MYO3A: variants seen among roughly 807,000 people sequenced by gnomAD.
MYO3A encodes the protein myosin IIIA.
MYO3A carries 180 observed loss-of-function variants against 192.7 expected under a neutral mutation model. The observed-to-expected ratio is 0.93, with a 90% CI of 0.83 to 1.06. MYO3A has a LOEUF of 1.06. Among genes scored for constraint, MYO3A ranks in the 50% least tolerant of loss-of-function variants. MYO3A has a pLI of 0.00. For synonymous variants in MYO3A, 628 were observed against 645.3 expected (o/e 0.97, Z 0.41); for missense variants, 1,896 against 1,905.0 (o/e 1.00, Z 0.09).
At chr10:25,984,281 TA>T (rs1176023012) in intron 4 of MYO3A, among the ~76,000 whole-genome samples, 1 of 152,224 alleles carries the variant, frequency 6.6e-6, no homozygotes, top group Non-Finnish European at 1.5e-5. Context: ...GCATTGAATA[TA>T]AATGGCCTAA....
intron 10 of MYO3A, among the ~76,000 whole-genome samples, chr10:26,050,887 C>T (rs533205136): frequency 3.3e-4 from 50 of 152,310 alleles, no homozygotes; most frequent in African/African-American, 1.1e-3. Flanking sequence ...AATGAAGTTA[C>T]TCCTCTTAAC....
chr10:26,087,065 G>A (rs990208542), intron 14 of MYO3A, among the ~76,000 whole-genome samples: 3 of 152,118 alleles, frequency 2.0e-5, no homozygotes, highest in African/African-American at 4.8e-5. Context: ...TTTACCAGAT[G>A]CAAAAACGAG....
At chr10:26,151,639 A>G (rs1840794986) in intron 23 of MYO3A, among the ~76,000 whole-genome samples, 1 of 152,102 alleles carries the variant, frequency 6.6e-6, no homozygotes, top group Non-Finnish European at 1.5e-5. Context: ...TCTGCCTTTC[A>G]ATTGAGATGA....
intron 14 of MYO3A, among the ~76,000 whole-genome samples, chr10:26,083,177 AG>A (rs1444248240): frequency 6.6e-6 from 1 of 152,170 alleles, no homozygotes; most frequent in African/African-American, 2.4e-5. Flanking sequence ...AGTAAAATAA[AG>A]ATTATTTGAC....
intron 34 of MYO3A, among the ~76,000 whole-genome samples, chr10:26,209,108 A>C (rs1186654756): frequency 1.3e-5 from 2 of 152,214 alleles, no homozygotes; most frequent in African/African-American, 4.8e-5. Flanking sequence ...CTTTTATAAC[A>C]GTAGCAGATA....
intron 14 of MYO3A, among the ~76,000 whole-genome samples, chr10:26,077,183 A>G (rs1331638603): frequency 1.6e-5 from 2 of 122,816 alleles, no homozygotes; most frequent in Non-Finnish European, 3.4e-5. Flanking sequence ...AGTGTTTTGT[A>G]GTTTTCCTTG....
rs779804593 is a variant in MYO3A at position 26,190,236 on chromosome 10, A to G, written c.4439-2969A>G. The stretch of plus-strand genomic sequence containing the variant: ...TGGTGGATGAATATTAGATATTTCA[A>G]AGGATGTGTCAAAACAATGGACAGA... On this transcript the variant is annotated intron_variant, in intron 31 of 34. Transcript: ENST00000642920. Among the ~76,000 whole-genome samples the G allele has an allele frequency of 5.5e-4, 84 of 152,190 alleles. 2 individuals carry two copies. The highest frequency in any genetic ancestry group is 8.8e-5 in the Non-Finnish European group (6 of 68,028).
At chr10:26,036,352 G>C (rs2131186118) in intron 10 of MYO3A, among the ~76,000 whole-genome samples, 1 of 152,260 alleles carries the variant, frequency 6.6e-6, no homozygotes, top group Admixed American at 6.5e-5. Context: ...TTAGGAACTA[G>C]GTTTAATGAC....
intron 26 of MYO3A, among the ~76,000 whole-genome samples, chr10:26,163,757 G>A (rs1244756123): frequency 2.0e-5 from 3 of 152,172 alleles, no homozygotes; most frequent in Non-Finnish European, 4.4e-5. Context: ...AACAGTTAGG[G>A]TTGATGGTGT....
At chr10:25,972,220 G>GA (rs1475089728) in intron 4 of MYO3A, among the ~76,000 whole-genome samples, 1 of 151,594 alleles carries the variant, frequency 6.6e-6, no homozygotes, top group Non-Finnish European at 1.5e-5. Context: ...TCCCTGTAGT[G>GA]AAATTTTCAT....
At chr10:26,123,697 C>T (rs1002613106) in intron 18 of MYO3A, among the ~76,000 whole-genome samples, 3 of 152,088 alleles carry the variant, frequency 2.0e-5, no homozygotes, top group East Asian at 1.9e-4. Context: ...GAGGCCAAGA[C>T]GGGCAGATCA....
intron 23 of MYO3A, 111 bp from the exon 24 acceptor site, chr10:26,153,739 A>G (rs560904158): frequency 9.7e-6 from 7 of 720,754 alleles, no homozygotes; most frequent in Non-Finnish European, 1.7e-5. Flanking sequence ...GCATATGATT[A>G]TGAATATTGC....
chr10:25,965,466 G>A (rs1838200305), intron 4 of MYO3A, among the ~76,000 whole-genome samples: 1 of 151,996 alleles, frequency 6.6e-6, no homozygotes, highest in Admixed American at 6.5e-5. Flanking sequence ...GGGAAGGGAG[G>A]GGTTTCTTTT....
intron 32 of MYO3A, among the ~76,000 whole-genome samples, chr10:26,197,169 A>G (rs1205565133): frequency 2.0e-5 from 3 of 152,228 alleles, no homozygotes; most frequent in Non-Finnish European, 4.4e-5. Flanking sequence ...CTCAGTCTCA[A>G]ATCCATCTCC....
chr10:25,951,857 TAA>T (rs1274666837), intron 2 of MYO3A, among the ~76,000 whole-genome samples: 3 of 152,176 alleles, frequency 2.0e-5, no homozygotes, highest in African/African-American at 7.2e-5. Context: ...CAGCAATTAA[TAA>T]GAGACTAGAT....
chr10:26,086,900 G>C (rs1184016609), intron 14 of MYO3A, among the ~76,000 whole-genome samples: 1 of 152,130 alleles, frequency 6.6e-6, no homozygotes, highest in African/African-American at 2.4e-5. Context: ...AATTAATTGT[G>C]TGTGAATGTG....
chr10:26,132,032 T>C (rs377266435), intron 20 of MYO3A, among the ~76,000 whole-genome samples: 27 of 152,232 alleles, frequency 1.8e-4, no homozygotes, highest in African/African-American at 6.3e-4. Context: ...TGTCATACAC[T>C]GTCAACTTCC....
intron 31 of MYO3A, among the ~76,000 whole-genome samples, chr10:26,189,608 A>G (rs1278403232): frequency 1.3e-5 from 2 of 152,380 alleles, no homozygotes; most frequent in Non-Finnish European, 2.9e-5. Flanking sequence ...AACTGGACTG[A>G]CAAGAGGAGA....
intron 14 of MYO3A, 42 bp downstream of exon 14, chr10:26,070,443 T>G (rs771948855): frequency 1.2e-4 from 178 of 1,512,650 alleles, no homozygotes; most frequent in Non-Finnish European, 1.6e-4. Context: ...AAATATTTGT[T>G]GAATTTCATA....
Sources: allele counts gnomAD v4.1 joint callset (sites outside exome capture counted in the v4.1 genomes callset), GRCh38; gene constraint gnomAD v4.1.1; transcripts MANE v1.5; gene names NCBI Gene and HGNC (gene_info 2026-07-23, HGNC 2026-07-21).